USH2A: variants seen among roughly 807,000 people sequenced by gnomAD.
USH2A encodes usherin.
A neutral mutation model predicts 538.9 loss-of-function variants in USH2A; 443 were observed. That is an observed-to-expected ratio of 0.82 (90% CI 0.76 to 0.89). The LOEUF is 0.89. Among genes scored for constraint, USH2A ranks in the 40% least tolerant of loss-of-function variants. The probability of loss-of-function intolerance (pLI) is 0.00; values close to 1 mark genes in which losing one functional copy is unlikely to be tolerated. For missense variants in USH2A, 6,633 were observed against 6,324.8 expected, an observed-to-expected ratio of 1.05 and a Z score of -1.65; for synonymous variants, 2,413 against 2,273.5, an observed-to-expected ratio of 1.06 and a Z score of -1.75.
intron 61 of USH2A, among the ~76,000 whole-genome samples, chr1:215,702,565 G>T (rs1659063472): frequency 1.3e-5 from 2 of 151,374 alleles, no homozygotes; most frequent in South Asian, 2.1e-4. Flanking sequence ...CCATTAAGTT[G>T]ATCTTCAATC....
At chr1:215,668,236 A>C (rs1657693958) in intron 64 of USH2A, among the ~76,000 whole-genome samples, 1 of 152,238 alleles carries the variant, frequency 6.6e-6, no homozygotes, top group Admixed American at 6.5e-5. Context: ...CATCACAAAT[A>C]CAAAAATGCT....
At chr1:216,122,138 G>C (rs755378533) in intron 21 of USH2A, among the ~76,000 whole-genome samples, 2 of 152,184 alleles carry the variant, frequency 1.3e-5, no homozygotes, top group Non-Finnish European at 2.9e-5. Context: ...GAGTAAAGCT[G>C]TCTAGAATAG....
chr1:216,266,280 G>T (rs568772802), intron 11 of USH2A, among the ~76,000 whole-genome samples: 1 of 152,144 alleles, frequency 6.6e-6, no homozygotes, highest in African/African-American at 2.4e-5. Context: ...ATCTCATGAA[G>T]CATTCAAATT....
intron 15 of USH2A, among the ~76,000 whole-genome samples, chr1:216,213,967 G>T (rs556268513): frequency 5.3e-5 from 8 of 152,094 alleles, no homozygotes; most frequent in Non-Finnish European, 7.4e-5. Flanking sequence ...ACATTAGTCA[G>T]CAGGAAAAAT....
intron 41 of USH2A, among the ~76,000 whole-genome samples, 174 bp from the exon 42 acceptor site, chr1:215,879,272 A>T (rs2102452176): frequency 6.6e-6 from 1 of 152,256 alleles, no homozygotes; most frequent in Non-Finnish European, 1.5e-5. Context: ...AATTAGCAGT[A>T]CTCCAGGAGC....
chr1:215,758,783 A>G (rs1334182657), intron 57 of USH2A, 31 bp from the exon 58 acceptor site: 2 of 1,606,082 alleles, frequency 1.2e-6, no homozygotes, highest in Non-Finnish European at 1.7e-6. Context: ...GAATTGTGGT[A>G]AGGCCATGCA....
intron 32 of USH2A, among the ~76,000 whole-genome samples, chr1:216,018,971 C>G (rs1031285575): frequency 6.6e-6 from 1 of 152,178 alleles, no homozygotes; most frequent in Non-Finnish European, 1.5e-5. Flanking sequence ...ACTTAGCAAG[C>G]TATCAATAGA....
At chr1:216,001,297 T>G (rs1668260587) in intron 32 of USH2A, among the ~76,000 whole-genome samples, 1 of 152,116 alleles carries the variant, frequency 6.6e-6, no homozygotes, top group Non-Finnish European at 1.5e-5. Flanking sequence ...TTTGAATATG[T>G]GTGTTTGAAT....
At chr1:215,753,816 G>GA (rs1486938042) in intron 58 of USH2A, among the ~76,000 whole-genome samples, 2 of 151,320 alleles carry the variant, frequency 1.3e-5, no homozygotes, top group Admixed American at 6.6e-5. Context: ...TATAATAAAA[G>GA]AAAAAAAATT....
chr1:216,089,439 G>A (rs180782866), intron 22 of USH2A, among the ~76,000 whole-genome samples: 1 of 151,930 alleles, frequency 6.6e-6, no homozygotes, highest in African/African-American at 2.4e-5. Flanking sequence ...TCATCAGAAG[G>A]GTAAAGAATT....
intron 9 of USH2A, among the ~76,000 whole-genome samples, chr1:216,311,788 A>G (rs1325484472): frequency 6.6e-6 from 1 of 152,078 alleles, no homozygotes; most frequent in Non-Finnish European, 1.5e-5. Flanking sequence ...GATACCACTT[A>G]AAAGGTGGCA....
At chr1:215,832,439 G>A (rs1220114873) in intron 47 of USH2A, among the ~76,000 whole-genome samples, 2 of 151,964 alleles carry the variant, frequency 1.3e-5, no homozygotes, top group Non-Finnish European at 2.9e-5. Context: ...ATGTCACAAC[G>A]AAGTTCTGGT....
chr1:215,975,147 C>G (rs539414852), intron 35 of USH2A, among the ~76,000 whole-genome samples: 3 of 152,062 alleles, frequency 2.0e-5, no homozygotes, highest in African/African-American at 7.2e-5. Flanking sequence ...AGTGTCTGTT[C>G]ATGTCTTTTA....
chr1:216,150,569 T>C (rs889895241), intron 21 of USH2A, among the ~76,000 whole-genome samples: 5 of 152,178 alleles, frequency 3.3e-5, no homozygotes, highest in Non-Finnish European at 7.3e-5. Context: ...CCCGTCTCCC[T>C]ACACCTCCGA....
At chr1:216,184,668 A>G (rs1250363678) in intron 20 of USH2A, among the ~76,000 whole-genome samples, 1 of 151,958 alleles carries the variant, frequency 6.6e-6, no homozygotes, top group Non-Finnish European at 1.5e-5. Context: ...AGGTAGAAAA[A>G]TATTTATATT....
intron 21 of USH2A, among the ~76,000 whole-genome samples, chr1:216,165,237 C>A (rs1572013723): frequency 6.6e-6 from 1 of 152,002 alleles, no homozygotes; most frequent in Admixed American, 6.6e-5. Flanking sequence ...TTGCAATAAG[C>A]CCTAATGATA....
At position 215,759,815 on chromosome 1, in the gene USH2A, G is replaced by T; in HGVS notation, c.11076C>A (p.Ile3692=). Residue 3692 remains isoleucine, a synonymous_variant, in exon 57 of 72, where the codon ATC becomes ATA. Coordinates refer to ENST00000307340, the MANE Select transcript of USH2A (RefSeq NM_206933.4). Reference sequence around the variant, plus strand: ...ATAATTCCACTGTTGTAGAATTGATGATAATGTGTCGAGGTGTCACCCAAA... The same window carrying T: ...ATAATTCCACTGTTGTAGAATTGATTATAATGTGTCGAGGTGTCACCCAAA... ...EGVWVTPRHI[I]INSTTVELYW... The T allele has an allele frequency of 6.2e-7, 1 of 1,613,974 alleles. No individual in the cohort carries two copies. The highest frequency in any genetic ancestry group is 8.5e-7 in the Non-Finnish European group (1 of 1,179,890).
At chr1:215,736,398 C>G (rs1660155995) in intron 60 of USH2A, among the ~76,000 whole-genome samples, 1 of 152,054 alleles carries the variant, frequency 6.6e-6, no homozygotes, top group African/African-American at 2.4e-5. Flanking sequence ...ATACAAAGTC[C>G]TAAAATGAAC....
chr1:215,748,033 A>C (rs1318478987), intron 58 of USH2A, among the ~76,000 whole-genome samples: 1 of 151,776 alleles, frequency 6.6e-6, no homozygotes, highest in East Asian at 1.9e-4. Context: ...CTGGGACTAC[A>C]GGCGCCCGCC....
Sources: gnomAD v4.1 joint callset for allele counts (sites outside exome capture counted in the v4.1 genomes callset) on GRCh38, gnomAD v4.1.1 for gene constraint, MANE v1.5 for transcripts, NCBI Gene and HGNC (gene_info 2026-07-23, HGNC 2026-07-21) for gene names.